TTC7B: variants seen among roughly 807,000 people sequenced by gnomAD.
TTC7B encodes tetratricopeptide repeat domain 7B.
TTC7B carries 28 observed loss-of-function variants against 106.8 expected under a neutral mutation model. That is an observed-to-expected ratio of 0.26 (90% CI 0.19 to 0.36). The LOEUF (loss-of-function observed/expected upper bound fraction) is 0.36, where lower values mean the gene tolerates loss of function less well. Among genes scored for constraint, TTC7B ranks in the 10% least tolerant of loss-of-function variants. The probability of loss-of-function intolerance (pLI) is 1.00; values close to 1 mark genes in which losing one functional copy is unlikely to be tolerated. For synonymous variants in TTC7B, 405 were observed against 430.6 expected, an observed-to-expected ratio of 0.94 and a Z score of 0.74; for missense variants, 862 against 1,076.4, an observed-to-expected ratio of 0.80 and a Z score of 2.79.
intron 7 of TTC7B, among the ~76,000 whole-genome samples, chr14:90,683,292 C>A (rs75558697): frequency 0.063 from 9,527 of 152,022 alleles, 353 homozygotes; most frequent in African/African-American, 0.089. Context: ...AGTAATGGTT[C>A]CTTTATAATT....
intron 2 of TTC7B, among the ~76,000 whole-genome samples, chr14:90,781,892 C>T (rs115298314): frequency 3.0e-4 from 46 of 152,302 alleles, no homozygotes; most frequent in African/African-American, 1.1e-3. Flanking sequence ...ACCCGTCCTC[C>T]GGCACCTAGG....
At chr14:90,559,234 A>G (rs1449389567) in intron 19 of TTC7B, among the ~76,000 whole-genome samples, 1 of 152,264 alleles carries the variant, frequency 6.6e-6, no homozygotes, top group Non-Finnish European at 1.5e-5. Context: ...CTCAGAAGCC[A>G]GAAGCCCTTG....
intron 5 of TTC7B, among the ~76,000 whole-genome samples, chr14:90,718,564 G>A (rs147901660): frequency 1.3e-5 from 2 of 152,194 alleles, no homozygotes; most frequent in South Asian, 2.1e-4. Flanking sequence ...TGTATCTCCC[G>A]CTTTACCACA....
chr14:90,753,085 T>C (rs1227585273), intron 3 of TTC7B, among the ~76,000 whole-genome samples: 1 of 152,214 alleles, frequency 6.6e-6, no homozygotes, highest in Non-Finnish European at 1.5e-5. Flanking sequence ...AATATTTTGA[T>C]TTTTTTGAAC....
At chr14:90,587,767 C>T (rs79951330) in intron 18 of TTC7B, among the ~76,000 whole-genome samples, 9 of 152,134 alleles carry the variant, frequency 5.9e-5, no homozygotes, top group Admixed American at 2.0e-4. Context: ...AGATGCTGGA[C>T]GATACTGTGT....
intron 19 of TTC7B, among the ~76,000 whole-genome samples, chr14:90,564,898 G>A (rs1890725701): frequency 6.6e-6 from 1 of 152,194 alleles, no homozygotes; most frequent in African/African-American, 2.4e-5. Context: ...GAGGCAGAGT[G>A]AGACCTCAAA....
chr14:90,730,006 A>G, intron 5 of TTC7B, 69 bp downstream of exon 5: 1 of 1,471,676 alleles, frequency 6.8e-7, no homozygotes, highest in Non-Finnish European at 9.1e-7. Flanking sequence ...ACTAAACTGG[A>G]GACAGCATTG....
chr14:90,605,696 C>A, intron 17 of TTC7B: 1 of 1,287,046 alleles, frequency 7.8e-7, no homozygotes, highest in Non-Finnish European at 1.0e-6. Flanking sequence ...TGAGAAGACA[C>A]AAACAGGTGG....
rs1228971217 is a variant in TTC7B at position 90,735,703 on chromosome 14, TA to T, written c.577-5508del. Among the ~76,000 whole-genome samples the T allele has an allele frequency of 4.1e-3, 615 of 149,920 alleles. 6 individuals are homozygous for T. The highest frequency in any genetic ancestry group is 0.014 in the African/African-American group (582 of 40,694). On this transcript the variant is annotated intron_variant, in intron 4 of 19. Coordinates refer to ENST00000328459, the MANE Select transcript of TTC7B (RefSeq NM_001010854.2). ...GCGAAACCTCATCACTTTTTTTAAA[TA>T]TTTTTTTTTTTTAAAAAACCTACTA...
chr14:90,713,941 A>C (rs377065202), intron 5 of TTC7B, among the ~76,000 whole-genome samples: 209 of 152,364 alleles, frequency 1.4e-3, no homozygotes, highest in African/African-American at 4.9e-3. Context: ...AAGAAGTGAG[A>C]CACAGGCCGG....
chr14:90,615,017 C>T (rs543918206), intron 16 of TTC7B, among the ~76,000 whole-genome samples: 5 of 152,084 alleles, frequency 3.3e-5, no homozygotes, highest in Admixed American at 6.6e-5. Flanking sequence ...AACTGCAGAC[C>T]GAGAGAAATA....
At chr14:90,559,239 C>G (rs2985777) in intron 19 of TTC7B, among the ~76,000 whole-genome samples, 1 of 152,368 alleles carries the variant, frequency 6.6e-6, no homozygotes, top group East Asian at 1.9e-4. Flanking sequence ...AAGCCAGAAG[C>G]CCTTGCAGGG....
intron 14 of TTC7B, among the ~76,000 whole-genome samples, chr14:90,645,832 A>G (rs1411948924): frequency 1.3e-5 from 2 of 152,198 alleles, no homozygotes; most frequent in African/African-American, 4.8e-5. Flanking sequence ...GTGGCATTCC[A>G]AGTGCCAGGG....
At chr14:90,724,746 AC>A (rs1194407825) in intron 5 of TTC7B, among the ~76,000 whole-genome samples, 1 of 152,170 alleles carries the variant, frequency 6.6e-6, no homozygotes, top group African/African-American at 2.4e-5. Flanking sequence ...TTTATAAAAT[AC>A]CCGGTCTCAG....
intron 15 of TTC7B, among the ~76,000 whole-genome samples, chr14:90,628,403 C>A (rs1306003329): frequency 1.3e-5 from 2 of 152,194 alleles, no homozygotes; most frequent in African/African-American, 4.8e-5. Context: ...TCTGGCTGAG[C>A]CCCCAAGGCC....
At chr14:90,743,001 AC>A (rs1889825688) in intron 4 of TTC7B, among the ~76,000 whole-genome samples, 2 of 152,212 alleles carry the variant, frequency 1.3e-5, no homozygotes, top group South Asian at 4.1e-4. Flanking sequence ...GGATAAGCAG[AC>A]TTCTCGACTG....
intron 3 of TTC7B, among the ~76,000 whole-genome samples, chr14:90,752,661 C>T (rs1254299421): frequency 1.3e-5 from 2 of 152,218 alleles, no homozygotes; most frequent in Non-Finnish European, 2.9e-5. Flanking sequence ...TGGGATATGA[C>T]AGGCACTATT....
At chr14:90,580,425 G>A (rs1445763148) in intron 18 of TTC7B, among the ~76,000 whole-genome samples, 1 of 152,194 alleles carries the variant, frequency 6.6e-6, no homozygotes, top group Non-Finnish European at 1.5e-5. Flanking sequence ...GGGCAAACTG[G>A]AGGCAGAGCT....
chr14:90,568,272 G>T (rs1890881906), intron 19 of TTC7B, among the ~76,000 whole-genome samples: 1 of 152,198 alleles, frequency 6.6e-6, no homozygotes, highest in Admixed American at 6.5e-5. Flanking sequence ...ACCCACAGAA[G>T]TGAAAACGAA....
Sources: gnomAD v4.1 joint callset for allele counts (sites outside exome capture counted in the v4.1 genomes callset) on GRCh38, gnomAD v4.1.1 for gene constraint, MANE v1.5 for transcripts, NCBI Gene and HGNC (gene_info 2026-07-23, HGNC 2026-07-21) for gene names.